SVIL: variants seen among roughly 807,000 people sequenced by gnomAD.
SVIL encodes archvillin.
In SVIL, 101 loss-of-function variants were observed where a neutral mutation model predicts 240.4. The observed-to-expected ratio is 0.42, with a 90% CI of 0.36 to 0.50. SVIL has a LOEUF of 0.50. Ranked by LOEUF, SVIL falls within the 20% of genes least tolerant of loss-of-function variation. The probability of loss-of-function intolerance (pLI) is 0.01; values close to 1 mark genes in which losing one functional copy is unlikely to be tolerated. For missense variants in SVIL, 2,512 were observed against 2,818.7 expected (o/e 0.89, Z 2.46); for synonymous variants, 999 against 1,100.0 (o/e 0.91, Z 1.82).
chr10:29,511,892 C>T (rs1310620457), intron 17 of SVIL, among the ~76,000 whole-genome samples: 3 of 152,200 alleles, frequency 2.0e-5, no homozygotes, highest in Non-Finnish European at 4.4e-5. Context: ...TCTCTCCCTT[C>T]CACAGATGCT....
At chr10:29,686,205 T>C (rs1564762677) in intron 2 of SVIL, among the ~76,000 whole-genome samples, 1 of 152,210 alleles carries the variant, frequency 6.6e-6, no homozygotes, top group Non-Finnish European at 1.5e-5. Flanking sequence ...TACACTTTAG[T>C]GGTCTTCCTG....
At chr10:29,527,884 C>T (rs1003556700) in intron 12 of SVIL, among the ~76,000 whole-genome samples, 1 of 151,834 alleles carries the variant, frequency 6.6e-6, no homozygotes, top group Admixed American at 6.6e-5. Flanking sequence ...CGCCACCATG[C>T]CTGGCCAATA....
chr10:29,656,776 A>G (rs1246969267), intron 3 of SVIL, among the ~76,000 whole-genome samples: 1 of 152,206 alleles, frequency 6.6e-6, no homozygotes, highest in Non-Finnish European at 1.5e-5. Flanking sequence ...CCTCGGCTGC[A>G]GCACCCAATT....
chr10:29,687,280 C>A (rs529514535), intron 1 of SVIL, among the ~76,000 whole-genome samples: 33 of 152,354 alleles, frequency 2.2e-4, no homozygotes, highest in Non-Finnish European at 2.4e-4. Context: ...ATCATTCCTC[C>A]ACCTACCCAA....
intron 15 of SVIL, 102 bp from the exon 16 acceptor site, chr10:29,522,737 A>C: frequency 7.6e-7 from 1 of 1,317,216 alleles, no homozygotes; most frequent in Non-Finnish European, 1.0e-6. Flanking sequence ...ATCCGTGGGC[A>C]CACGGCGGGT....
At chr10:29,650,609 T>C (rs1190765690) in intron 3 of SVIL, among the ~76,000 whole-genome samples, 1 of 152,180 alleles carries the variant, frequency 6.6e-6, no homozygotes, top group Non-Finnish European at 1.5e-5. Flanking sequence ...ATAAATTATA[T>C]ATGAACAGTT....
chr10:29,718,285 C>A (rs1451683916), intron 1 of SVIL, among the ~76,000 whole-genome samples: 1 of 151,118 alleles, frequency 6.6e-6, no homozygotes, highest in African/African-American at 2.4e-5. Context: ...GAGATCGCGC[C>A]ACTGCACTCC....
At chr10:29,606,153 C>T (rs1054236985) in intron 1 of SVIL, among the ~76,000 whole-genome samples, 1 of 152,116 alleles carries the variant, frequency 6.6e-6, no homozygotes, top group Non-Finnish European at 1.5e-5. Context: ...TCAAGTGATC[C>T]ACCTGCCTTG....
Sources: gnomAD v4.1 joint callset for allele counts (sites outside exome capture counted in the v4.1 genomes callset) on GRCh38, gnomAD v4.1.1 for gene constraint, MANE v1.5 for transcripts, NCBI Gene and HGNC (gene_info 2026-07-23, HGNC 2026-07-21) for gene names.